Variants in NIBAN1 observed in about 807,000 individuals in gnomAD.
NIBAN1 encodes the protein protein Niban 1.
NIBAN1 carries 81 observed loss-of-function variants against 75.1 expected under a neutral mutation model. That is an observed-to-expected ratio of 1.08 (90% CI 0.90 to 1.30). NIBAN1 has a LOEUF of 1.30. NIBAN1 is among the 50% of genes most tolerant of loss of function. The pLI, the probability that NIBAN1 is intolerant of heterozygous loss-of-function variation, is 0.00. For missense variants in NIBAN1, 1,133 were observed against 1,128.1 expected (o/e 1.00, Z -0.06); for synonymous variants, 436 against 424.8 (o/e 1.03, Z -0.32).
At chr1:184,799,046 T>A (rs970408100) in intron 12 of NIBAN1, among the ~76,000 whole-genome samples, 4 of 152,110 alleles carry the variant, frequency 2.6e-5, no homozygotes, top group South Asian at 2.1e-4. Flanking sequence ...TATTTTATTT[T>A]TTATTATTAT....
chr1:184,899,406 A>C, intron 1 of NIBAN1, 97 bp from the exon 2 acceptor site: 4 of 1,271,614 alleles, frequency 3.1e-6, no homozygotes, highest in Non-Finnish European at 4.4e-6. Context: ...CTCTGTTTCT[A>C]TCCCTCCAGT....
At chr1:184,806,848 A>G in intron 10 of NIBAN1, among the ~76,000 whole-genome samples, 1 of 147,806 alleles carries the variant, frequency 6.8e-6, no homozygotes, top group Non-Finnish European at 1.5e-5. Context: ...GGTTCACTGC[A>G]ACCTCTGCCT....
At chr1:184,917,068 G>A (rs1657403030) in intron 1 of NIBAN1, among the ~76,000 whole-genome samples, 1 of 152,142 alleles carries the variant, frequency 6.6e-6, no homozygotes, top group Admixed American at 6.6e-5. Context: ...GCTGCTTATT[G>A]CAGGCTTCCC....
intron 1 of NIBAN1, among the ~76,000 whole-genome samples, chr1:184,956,132 G>C (rs149529291): frequency 1.4e-3 from 211 of 151,874 alleles, no homozygotes; most frequent in Non-Finnish European, 2.5e-3. Flanking sequence ...GGGTTCCAGC[G>C]ATCTTCCTAC....
intron 1 of NIBAN1, among the ~76,000 whole-genome samples, chr1:184,913,787 A>G (rs1394039593): frequency 6.6e-6 from 1 of 152,192 alleles, no homozygotes; most frequent in Non-Finnish European, 1.5e-5. Context: ...TTATTTCCAC[A>G]CTGCGAAAAG....
At chr1:184,877,499 T>A (rs1469482039) in intron 5 of NIBAN1, among the ~76,000 whole-genome samples, 2 of 152,064 alleles carry the variant, frequency 1.3e-5, no homozygotes, top group Non-Finnish European at 2.9e-5. Context: ...TCAAAACAAC[T>A]AATAGAGTAA....
At chr1:184,893,963 AC>A (rs1174842578) in intron 3 of NIBAN1, 111 bp downstream of exon 3, 8 of 1,100,074 alleles carry the variant, frequency 7.3e-6, no homozygotes, top group Non-Finnish European at 8.9e-6. Context: ...TTGTACCAGT[AC>A]CATGCTGATT....
intron 2 of NIBAN1, among the ~76,000 whole-genome samples, chr1:184,895,908 CTG>C (rs758172180): frequency 1.3e-5 from 2 of 152,142 alleles, no homozygotes; most frequent in Non-Finnish European, 2.9e-5. Context: ...TTTTTTATGA[CTG>C]TGTAGCATCC....
intron 12 of NIBAN1, among the ~76,000 whole-genome samples, chr1:184,801,299 G>A (rs932551504): frequency 1.3e-5 from 2 of 152,180 alleles, no homozygotes; most frequent in African/African-American, 4.8e-5. Context: ...CAAGAAGAAA[G>A]GCAAAGGATT....
chr1:184,803,480 C>T, intron 12 of NIBAN1, 105 bp downstream of exon 12: 1 of 810,224 alleles, frequency 1.2e-6, no homozygotes, highest in South Asian at 1.6e-5. Context: ...GTCTGCCAAT[C>T]CCTCCCTGGT....
At chr1:184,945,911 A>G (rs1220376162) in intron 1 of NIBAN1, among the ~76,000 whole-genome samples, 1 of 152,118 alleles carries the variant, frequency 6.6e-6, no homozygotes, top group Non-Finnish European at 1.5e-5. Flanking sequence ...TTTTGTCTGT[A>G]TAGTCACAGA....
chr1:184,791,272 G>A lies in NIBAN1; in HGVS notation c.*3705C>T. ...CTGATACTATTATTAAGTCAATGAT[G>A]TCCTTCCCTTCTTCACATCAAAATT... On this transcript the variant is annotated 3_prime_UTR_variant, in exon 14 of 14. Coordinates refer to ENST00000367511, the MANE Select transcript of NIBAN1 (RefSeq NM_052966.4). 8.7e-6 allele frequency: 2 copies of A among 229,702 alleles called. No individual in the cohort carries two copies. The highest frequency in any genetic ancestry group is 9.3e-5 in the South Asian group (2 of 21,548). The allele number at this position is 229,702 out of a possible 1,614,324, so 14.2% of individuals were successfully genotyped here. A position where few individuals can be genotyped will look rare whatever the true frequency, so the allele number is the denominator to read the frequency against.
intron 11 of NIBAN1, among the ~76,000 whole-genome samples, chr1:184,805,710 C>T (rs949241418): frequency 7.9e-5 from 12 of 152,060 alleles, no homozygotes; most frequent in African/African-American, 2.9e-4. Context: ...GGCTGGGACG[C>T]GGGGCCTGTA....
At chr1:184,935,125 AT>A (rs144352612) in intron 1 of NIBAN1, among the ~76,000 whole-genome samples, 6,770 of 147,974 alleles carry the variant, frequency 0.046, 358 homozygotes, top group East Asian at 0.17. Context: ...AATAGCAGAC[AT>A]TTTTTTTTTA....
chr1:184,950,219 CTCTATTA>C (rs1372285972), intron 1 of NIBAN1, among the ~76,000 whole-genome samples: 1 of 152,000 alleles, frequency 6.6e-6, no homozygotes, highest in Non-Finnish European at 1.5e-5. Context: ...ATATAATGGT[CTCTATTA>C]TCTTAACGAT....
intron 5 of NIBAN1, among the ~76,000 whole-genome samples, chr1:184,837,594 C>T (rs948406638): frequency 3.3e-5 from 5 of 152,166 alleles, no homozygotes; most frequent in Non-Finnish European, 5.9e-5. Flanking sequence ...ACCCCAAGCT[C>T]TCATTCAATG....
chr1:184,914,239 T>C (rs1486956056), intron 1 of NIBAN1, among the ~76,000 whole-genome samples: 1 of 152,246 alleles, frequency 6.6e-6, no homozygotes, highest in Non-Finnish European at 1.5e-5. Flanking sequence ...AAGTCACTTT[T>C]TCTCTAGAAA....
rs1023289309 is a variant in NIBAN1 at position 184,794,624 on chromosome 1, T to C, written c.*353A>G. The C allele has an allele frequency of 5.4e-6, 2 of 368,326 alleles. No individual in the cohort carries two copies. The highest frequency in any genetic ancestry group is 1.0e-5 in the Non-Finnish European group (2 of 195,508). The allele number at this position is 368,326 out of a possible 1,614,324, so 22.8% of individuals were successfully genotyped here. On this transcript the variant is annotated 3_prime_UTR_variant, in exon 14 of 14. Coordinates refer to ENST00000367511, the MANE Select transcript of NIBAN1 (RefSeq NM_052966.4). ...AAAAGCCTTAAAGTGCACAAGAAGA[T>C]TGCACAATTGAAAAGTGCAGAGTAT...
chr1:184,854,551 A>G (rs1655626248), intron 5 of NIBAN1, among the ~76,000 whole-genome samples: 1 of 152,242 alleles, frequency 6.6e-6, no homozygotes, highest in African/African-American at 2.4e-5. Context: ...CTCATGGGCA[A>G]TGAGGAATCC....
Sources: allele counts gnomAD v4.1 joint callset (sites outside exome capture counted in the v4.1 genomes callset), GRCh38; gene constraint gnomAD v4.1.1; transcripts MANE v1.5; gene names NCBI Gene and HGNC (gene_info 2026-07-23, HGNC 2026-07-21).